Variants in SNTB1 observed in about 807,000 individuals in gnomAD.
SNTB1 encodes syntrophin beta 1, also known as beta-1-syntrophin.
A neutral mutation model predicts 48.9 loss-of-function variants in SNTB1; 36 were observed. The ratio of observed to expected loss-of-function variants is 0.74; its 90% CI spans 0.56 to 0.97. The LOEUF is 0.97. SNTB1 is among the 50% of genes least tolerant of loss of function. The pLI is 0.00. For missense variants in SNTB1, 786 were observed against 703.4 expected (o/e 1.12, Z -1.33); for synonymous variants, 299 against 294.6 (o/e 1.01, Z -0.15).
At chr8:120,692,000 G>A (rs77452787) in intron 2 of SNTB1, among the ~76,000 whole-genome samples, 7,188 of 152,244 alleles carry the variant, frequency 0.047, 207 homozygotes, top group Non-Finnish European at 0.072. Flanking sequence ...AAATTGTGGG[G>A]AACAAAACAG....
At position 120,745,394 on chromosome 8, in the gene SNTB1, C is replaced by T. The variant is rs539366343; in HGVS notation, c.572-51486G>A. ...CCTGCCAGGACCTTGCCCGATATAG[C>T]CCCATCCTACAGACGGAGAGAAGCC... On this transcript the variant is annotated intron_variant, in intron 1 of 6. Coordinates refer to ENST00000517992, the MANE Select transcript of SNTB1 (RefSeq NM_021021.4). Among the ~76,000 whole-genome samples the T allele has an allele frequency of 1.5e-4, 23 of 152,196 alleles. No homozygotes were observed. The South Asian group carries it at 4.2e-3, about 28-fold the overall frequency.
At chr8:120,773,031 A>C (rs1285166388) in intron 1 of SNTB1, among the ~76,000 whole-genome samples, 1 of 152,160 alleles carries the variant, frequency 6.6e-6, no homozygotes, top group Non-Finnish European at 1.5e-5. Context: ...AGCCCCCAAA[A>C]TTAAAATTAA....
intron 1 of SNTB1, among the ~76,000 whole-genome samples, chr8:120,729,764 A>G (rs1452092839): frequency 6.6e-6 from 1 of 152,262 alleles, no homozygotes; most frequent in East Asian, 1.9e-4. Flanking sequence ...CAGAAGAAGG[A>G]CTATGCCTAA....
At chr8:120,644,243 T>C (rs1817243640) in intron 2 of SNTB1, among the ~76,000 whole-genome samples, 1 of 151,348 alleles carries the variant, frequency 6.6e-6, no homozygotes, top group African/African-American at 2.4e-5. Flanking sequence ...ACATGTGCCA[T>C]GCTGGTGTGC....
intron 3 of SNTB1, among the ~76,000 whole-genome samples, chr8:120,604,710 C>A (rs531555025): frequency 2.0e-5 from 3 of 152,152 alleles, no homozygotes; most frequent in African/African-American, 7.2e-5. Flanking sequence ...CTCGGCCTCC[C>A]AAAGTGGTGG....
chr8:120,637,338 C>T (rs1817098818), intron 2 of SNTB1: 1 of 267,506 alleles, frequency 3.7e-6, no homozygotes, highest in African/African-American at 2.3e-5. Context: ...ACCTCACTAC[C>T]TAAGAAATCA....
Position 120,758,065 on chromosome 8 carries a change from T to C in SNTB1, c.571+53208A>G, listed in dbSNP as rs113960249. On this transcript the variant is annotated intron_variant, in intron 1 of 6. Transcript: ENST00000517992. Reference sequence around the variant, plus strand: ...ATGAAGTAATAAACGTAAAAACAAGTAACACATATTGGGCACTTACTATGT... The same window carrying C: ...ATGAAGTAATAAACGTAAAAACAAGCAACACATATTGGGCACTTACTATGT... Among the ~76,000 whole-genome samples, 26 of 152,256 alleles carry C rather than the reference T, an allele frequency of 1.7e-4. 1 individual carries two copies. Among genetic ancestry groups the C allele is most frequent in the African/African-American group, 6.0e-4 (25 of 41,554 alleles).
At chr8:120,550,026 A>G (rs1468177326) in intron 4 of SNTB1, among the ~76,000 whole-genome samples, 1 of 152,230 alleles carries the variant, frequency 6.6e-6, no homozygotes, top group Non-Finnish European at 1.5e-5. Flanking sequence ...CAGAGGAAAT[A>G]CAAAAGCTTA....
intron 2 of SNTB1, among the ~76,000 whole-genome samples, chr8:120,660,837 A>G (rs1817575761): frequency 1.3e-5 from 2 of 152,196 alleles, no homozygotes; most frequent in African/African-American, 4.8e-5. Flanking sequence ...AGAGGTATTC[A>G]CTGGCCTAAT....
chr8:120,561,395 T>A (rs930820302), intron 4 of SNTB1, among the ~76,000 whole-genome samples: 3 of 149,196 alleles, frequency 2.0e-5, no homozygotes, highest in African/African-American at 7.4e-5. Flanking sequence ...AGACTTCAGG[T>A]CATCCATGGG....
rs1466831833 is a variant in SNTB1, at chr8:120,583,560, C to CACACAA, written c.997-8336_997-8335insTTGTGT. 5.5e-3 allele frequency among the ~76,000 whole-genome samples: 746 copies of CACACAA among 134,814 alleles called. 12 individuals are homozygous for CACACAA. Among genetic ancestry groups the CACACAA allele is most frequent in the African/African-American group, 0.019 (710 of 36,706 alleles). The allele number at this position is 134,814 out of a possible 152,430, so 88.4% of individuals were successfully genotyped here. A position where few individuals can be genotyped will look rare whatever the true frequency, so the allele number is the denominator to read the frequency against. ...ACACACACACACACACACACACACA[C>CACACAA]AAAACTGGAACAGTACTATCTCTCT... On this transcript the variant is annotated intron_variant, in intron 3 of 6. Transcript: ENST00000517992.
intron 3 of SNTB1, among the ~76,000 whole-genome samples, chr8:120,621,171 G>T (rs1054713402): frequency 2.0e-5 from 3 of 151,828 alleles, no homozygotes; most frequent in Non-Finnish European, 4.4e-5. Flanking sequence ...TGTTGGCCAG[G>T]GTGGTCTTGA....
At chr8:120,658,946 A>G (rs946306981) in intron 2 of SNTB1, among the ~76,000 whole-genome samples, 1 of 151,998 alleles carries the variant, frequency 6.6e-6, no homozygotes, top group South Asian at 2.1e-4. Flanking sequence ...TTTATCAACA[A>G]AGTTTATGTG....
At chr8:120,670,278 G>A (rs745456004) in intron 2 of SNTB1, among the ~76,000 whole-genome samples, 1 of 152,172 alleles carries the variant, frequency 6.6e-6, no homozygotes, top group Non-Finnish European at 1.5e-5. Flanking sequence ...AGTGTAATAC[G>A]ATGGTTCCAT....
chr8:120,629,831 G>T (rs1018794654), intron 3 of SNTB1, among the ~76,000 whole-genome samples: 6 of 152,148 alleles, frequency 3.9e-5, no homozygotes, highest in Admixed American at 1.3e-4. Flanking sequence ...CTGGAACGAT[G>T]ATCTGAAATT....
chr8:120,807,924 AT>A (rs953306002), intron 1 of SNTB1, among the ~76,000 whole-genome samples: 1 of 151,282 alleles, frequency 6.6e-6, no homozygotes, highest in East Asian at 1.9e-4. Flanking sequence ...TTATTTTTTT[AT>A]TTTTTTTGAG....
At chr8:120,788,561 G>A (rs1441663917) in intron 1 of SNTB1, among the ~76,000 whole-genome samples, 1 of 151,980 alleles carries the variant, frequency 6.6e-6, no homozygotes, top group East Asian at 1.9e-4. Flanking sequence ...CATGCAAATG[G>A]AAACCAAAAT....
At chr8:120,784,590 C>T (rs973973975) in intron 1 of SNTB1, among the ~76,000 whole-genome samples, 3 of 152,130 alleles carry the variant, frequency 2.0e-5, no homozygotes, top group African/African-American at 4.8e-5. Context: ...AATCAGATCC[C>T]TTCTCTCTCC....
At chr8:120,628,455 G>A (rs1326217061) in intron 3 of SNTB1, among the ~76,000 whole-genome samples, 1 of 152,140 alleles carries the variant, frequency 6.6e-6, no homozygotes. Flanking sequence ...GGCTTGCAAG[G>A]AGTTAAAAGA....
Sources: allele counts gnomAD v4.1 joint callset (sites outside exome capture counted in the v4.1 genomes callset), GRCh38; gene constraint gnomAD v4.1.1; transcripts MANE v1.5; gene names NCBI Gene and HGNC (gene_info 2026-07-23, HGNC 2026-07-21).